AGBL4: variants seen among roughly 807,000 people sequenced by gnomAD.
AGBL4 encodes AGBL carboxypeptidase 4.
Under a neutral mutation model 66.4 loss-of-function variants are expected in AGBL4, and 58 were observed. The observed-to-expected ratio is 0.87, with a 90% CI of 0.71 to 1.09. The LOEUF (loss-of-function observed/expected upper bound fraction) is 1.09. Ranked by LOEUF, AGBL4 falls within the 50% of genes least tolerant of loss-of-function variation. The pLI is 0.00. For missense variants in AGBL4, 579 were observed against 631.0 expected, an observed-to-expected ratio of 0.92 and a Z score of 0.88; for synonymous variants, 234 against 222.9, an observed-to-expected ratio of 1.05 and a Z score of -0.44.
rs1476079932 is a variant in AGBL4, at chr1:48,925,507, TTTTTTTTGTG to T, written c.595-58287_595-58278del. Among the ~76,000 whole-genome samples, 74 of 151,900 alleles carry T rather than the reference TTTTTTTTGTG, an allele frequency of 4.9e-4. 1 individual carries two copies. The highest frequency in any genetic ancestry group is 1.3e-4 in the Non-Finnish European group (9 of 67,984). On this transcript the variant is annotated intron_variant, in intron 5 of 13. Transcript: ENST00000371839. Reference sequence around the variant, plus strand: ...TAAACTTTCTTAAAACATTATGAGATTTTTTTTGTGTTTTTTTTTAAAAGCTCATCAGCTA... The same window carrying T: ...TAAACTTTCTTAAAACATTATGAGATTTTTTTTTTAAAAGCTCATCAGCTA...
intron 3 of AGBL4, among the ~76,000 whole-genome samples, chr1:49,655,797 G>C (rs985560220): frequency 2.0e-5 from 3 of 152,134 alleles, no homozygotes; most frequent in Non-Finnish European, 4.4e-5. Context: ...AAAATTGATA[G>C]ACTGCTAGCA....
chr1:49,008,415 C>T (rs1367791099), intron 5 of AGBL4, among the ~76,000 whole-genome samples: 2 of 151,286 alleles, frequency 1.3e-5, no homozygotes, highest in African/African-American at 2.4e-5. Flanking sequence ...TAGACTCCCA[C>T]ACATTAATAA....
At chr1:48,701,205 C>G (rs1372308383) in intron 6 of AGBL4, among the ~76,000 whole-genome samples, 1 of 152,050 alleles carries the variant, frequency 6.6e-6, no homozygotes, top group Non-Finnish European at 1.5e-5. Flanking sequence ...TTCCAGGAAG[C>G]CTTCTCCTGC....
intron 6 of AGBL4, among the ~76,000 whole-genome samples, chr1:48,846,415 AAGAAAG>A (rs1646918551): frequency 1.4e-5 from 2 of 148,050 alleles, no homozygotes; most frequent in South Asian, 2.1e-4. Context: ...GAAAGAAAGA[AAGAAAG>A]AAATTCATTT....
intron 6 of AGBL4, among the ~76,000 whole-genome samples, chr1:48,848,378 C>A (rs1646964521): frequency 6.6e-6 from 1 of 152,134 alleles, no homozygotes. Flanking sequence ...TATTTCATGG[C>A]TTTAATGAGT....
chr1:49,748,931 C>A (rs1003559712), intron 2 of AGBL4, among the ~76,000 whole-genome samples: 1 of 152,080 alleles, frequency 6.6e-6, no homozygotes, highest in African/African-American at 2.4e-5. Context: ...GGATAGATTG[C>A]AAAAATTTTC....
chr1:48,817,147 C>A (rs1646199092), intron 6 of AGBL4, among the ~76,000 whole-genome samples: 1 of 152,116 alleles, frequency 6.6e-6, no homozygotes, highest in Non-Finnish European at 1.5e-5. Context: ...TTTATGAAAG[C>A]CAGAGATGAG....
At chr1:49,475,669 T>C (rs1646832234) in intron 3 of AGBL4, among the ~76,000 whole-genome samples, 2 of 152,072 alleles carry the variant, frequency 1.3e-5, no homozygotes, top group South Asian at 4.1e-4. Flanking sequence ...AGTTGTGTGT[T>C]TCTAGAAATT....
intron 6 of AGBL4, among the ~76,000 whole-genome samples, chr1:48,737,141 A>G (rs2054726): frequency 0.99 from 150,215 of 152,210 alleles, 74,151 homozygotes; most frequent in South Asian, 1. Context: ...AAAATTAGCC[A>G]GGTGTGGTGG....
chr1:49,540,216 A>G (rs946660093), intron 3 of AGBL4, among the ~76,000 whole-genome samples: 2 of 152,204 alleles, frequency 1.3e-5, no homozygotes, highest in African/African-American at 4.8e-5. Context: ...TACTCTCCCC[A>G]TAAACTTTAC....
In AGBL4 at chr1:49,927,005, T is replaced by C. The variant is rs1362764551; in HGVS notation, c.35-75487A>G. Among the ~76,000 whole-genome samples, 8 of 152,326 alleles carry C rather than the reference T, an allele frequency of 5.3e-5. No homozygotes were observed. In the East Asian group the frequency reaches 1.5e-3, roughly 29 times the overall value. On this transcript the variant is annotated intron_variant, in intron 1 of 13. Coordinates refer to ENST00000371839, the MANE Select transcript of AGBL4 (RefSeq NM_032785.4). The stretch of plus-strand genomic sequence containing the variant: ...AAGAACATAGAGTTTGATGTTCAAG[T>C]GCAGGAAGCATCCAGCATGGGAGAA...
intron 3 of AGBL4, among the ~76,000 whole-genome samples, chr1:49,353,827 G>C (rs1481382121): frequency 1.3e-5 from 2 of 152,128 alleles, no homozygotes; most frequent in Non-Finnish European, 1.5e-5. Context: ...AGGACAGTCA[G>C]AGAGAAGACT....
chr1:48,579,754 CA>C (rs542996148), intron 11 of AGBL4, among the ~76,000 whole-genome samples: 479 of 124,714 alleles, frequency 3.8e-3, no homozygotes, highest in African/African-American at 6.7e-3. Flanking sequence ...ACTAAAAATA[CA>C]AAAAAAAAAA....
At chr1:48,759,398 T>C in intron 6 of AGBL4, 1 of 1,443,316 alleles carries the variant, frequency 6.9e-7, no homozygotes. Flanking sequence ...ACATCAGTGC[T>C]TGGAGAAACC....
chr1:49,467,775 T>C (rs902919022), intron 3 of AGBL4, among the ~76,000 whole-genome samples: 1 of 151,898 alleles, frequency 6.6e-6, no homozygotes, highest in Non-Finnish European at 1.5e-5. Context: ...TTACAGTTTA[T>C]TCACACATTC....
At chr1:49,245,977 C>A in intron 3 of AGBL4, 113 bp from the exon 4 acceptor site, 3 of 737,330 alleles carry the variant, frequency 4.1e-6, no homozygotes, top group South Asian at 1.7e-5. Flanking sequence ...GACTAGCAGG[C>A]AACTGTATAG....
chr1:48,797,684 G>A (rs767280763), intron 6 of AGBL4, among the ~76,000 whole-genome samples: 4 of 151,714 alleles, frequency 2.6e-5, no homozygotes, highest in Non-Finnish European at 5.9e-5. Context: ...TGCAACCTTC[G>A]CCACCTGGGT....
At chr1:48,606,228 C>G (rs1012721105) in intron 9 of AGBL4, among the ~76,000 whole-genome samples, 1 of 151,434 alleles carries the variant, frequency 6.6e-6, no homozygotes, top group Non-Finnish European at 1.5e-5. Context: ...ATGGAATAAG[C>G]TTTTTATATC....
chr1:48,972,747 GAA>G (rs1016406000), intron 5 of AGBL4, among the ~76,000 whole-genome samples: 4 of 152,148 alleles, frequency 2.6e-5, no homozygotes, highest in African/African-American at 9.7e-5. Context: ...ACAGGGGTTA[GAA>G]AGAATTGTTC....
Sources: gnomAD v4.1 joint callset for allele counts (sites outside exome capture counted in the v4.1 genomes callset) on GRCh38, gnomAD v4.1.1 for gene constraint, MANE v1.5 for transcripts, NCBI Gene and HGNC (gene_info 2026-07-23, HGNC 2026-07-21) for gene names.